Variants in ZFPM2 observed in about 807,000 individuals in gnomAD.
ZFPM2 encodes the protein zinc finger protein, FOG family member 2, also known as zinc finger protein ZFPM2.
A neutral mutation model predicts 98.6 loss-of-function variants in ZFPM2; 20 were observed. The observed-to-expected ratio is 0.20, with a 90% CI of 0.14 to 0.29. The LOEUF (loss-of-function observed/expected upper bound fraction) is 0.29. Among genes scored for constraint, ZFPM2 ranks in the 10% least tolerant of loss-of-function variants. ZFPM2 has a pLI of 1.00. For synonymous variants in ZFPM2, 518 were observed against 502.7 expected (o/e 1.03, Z -0.41); for missense variants, 1,310 against 1,388.6 (o/e 0.94, Z 0.90).
chr8:105,575,491 C>A (rs13260447), intron 4 of ZFPM2, among the ~76,000 whole-genome samples: 16,986 of 152,134 alleles, frequency 0.11, 1,240 homozygotes, highest in Non-Finnish European at 0.16. Context: ...GGGAATATGG[C>A]AGAGGCCCTT....
At chr8:105,336,381 A>G (rs1563609699) in intron 1 of ZFPM2, among the ~76,000 whole-genome samples, 1 of 151,770 alleles carries the variant, frequency 6.6e-6, no homozygotes, top group Admixed American at 6.6e-5. Flanking sequence ...GGTCAAATCC[A>G]TGAAAAGAAA....
At chr8:105,403,957 G>A (rs1486921481) in intron 1 of ZFPM2, among the ~76,000 whole-genome samples, 1 of 151,662 alleles carries the variant, frequency 6.6e-6, no homozygotes, top group East Asian at 1.9e-4. Context: ...TGGAGGGCTA[G>A]TGATGCTAAG....
At chr8:105,745,616 A>G (rs1393739041) in intron 5 of ZFPM2, among the ~76,000 whole-genome samples, 1 of 152,098 alleles carries the variant, frequency 6.6e-6, no homozygotes, top group Non-Finnish European at 1.5e-5. Context: ...GAGAAATATA[A>G]TAAGAATAAT....
chr8:105,566,069 A>G (rs1160699555), intron 4 of ZFPM2, among the ~76,000 whole-genome samples: 1 of 152,096 alleles, frequency 6.6e-6, no homozygotes, highest in Non-Finnish European at 1.5e-5. Flanking sequence ...TTTTTGGTCT[A>G]TTCGGGCTTT....
rs577939756 is a variant in ZFPM2, at chr8:105,456,912, C to A, written c.301+12531C>A. On this transcript the variant is annotated intron_variant, in intron 3 of 7. Transcript: ENST00000407775. ...CAGTGATCCACCCGCCTGGGCCTCC[C>A]AAAGTGCTGGGATTACAGACGTGAG... 5.1e-4 allele frequency among the ~76,000 whole-genome samples: 77 copies of A among 152,266 alleles called. 1 individual carries two copies. The East Asian group carries it at 0.014, about 27-fold the overall frequency.
intron 4 of ZFPM2, among the ~76,000 whole-genome samples, chr8:105,633,283 A>T (rs951401710): frequency 2.0e-5 from 3 of 152,170 alleles, no homozygotes; most frequent in African/African-American, 7.2e-5. Context: ...CAGTTCAAAA[A>T]TTACCTTGAG....
Position 105,461,069 on chromosome 8 carries a change from C to T in ZFPM2, c.301+16688C>T, listed in dbSNP as rs144759493. ...TACCATTATGTGGCAAAATTAATTT[C>T]TTATAAAATAGCTTTACGGCCTAGA... On this transcript the variant is annotated intron_variant, in intron 3 of 7. Transcript: ENST00000407775. 4.0e-3 allele frequency among the ~76,000 whole-genome samples: 606 copies of T among 151,894 alleles called. 6 individuals are homozygous for T. The highest frequency in any genetic ancestry group is 0.014 in the African/African-American group (563 of 41,488).
intron 1 of ZFPM2, among the ~76,000 whole-genome samples, chr8:105,416,529 A>G (rs983744425): frequency 1.3e-5 from 2 of 151,776 alleles, no homozygotes; most frequent in Non-Finnish European, 2.9e-5. Flanking sequence ...ACTTATTTTT[A>G]TATTTTTCAC....
Position 105,664,661 on chromosome 8 carries a change from T to A in ZFPM2, c.532+30304T>A, listed in dbSNP as rs1586183143. ...TAAAATTCTTTAAGTATTGGTATAC[T>A]GTCAAGTTTTCTGAAATTCTCATTT... On this transcript the variant is annotated intron_variant, in intron 5 of 7. Coordinates refer to ENST00000407775, the MANE Select transcript of ZFPM2 (RefSeq NM_012082.4). Among the ~76,000 whole-genome samples the A allele has an allele frequency of 2.0e-5, 3 of 152,322 alleles. No homozygotes were observed. The Middle Eastern group carries it at 0.01, about 518-fold the overall frequency.
intron 5 of ZFPM2, among the ~76,000 whole-genome samples, chr8:105,684,375 C>T (rs190496820): frequency 1.3e-5 from 2 of 151,978 alleles, no homozygotes; most frequent in East Asian, 1.9e-4. Flanking sequence ...CAAAAATTAC[C>T]TTAATTTTCA....
At chr8:105,766,430 C>G (rs984755774) in intron 5 of ZFPM2, among the ~76,000 whole-genome samples, 1 of 151,922 alleles carries the variant, frequency 6.6e-6, no homozygotes, top group African/African-American at 2.4e-5. Flanking sequence ...CAATGGAGAG[C>G]CACTCAAAGA....
chr8:105,801,654 G>A lies in ZFPM2; in HGVS notation c.1572G>A (p.Val524=). 1.2e-6 allele frequency: 2 copies of A among 1,613,538 alleles called. No homozygotes were observed. The highest frequency in any genetic ancestry group is 2.2e-5 in the South Asian group (2 of 91,070). The change falls in exon 8 of 8, where the codon GTG becomes GTA. Residue 524 remains valine, a synonymous_variant. Transcript: ENST00000407775. The part of the protein sequence containing the change: ...SEILAKMSEL[V]HRRLRHGSSS... ...TCTTAGCTAAGATGTCTGAACTGGT[G>A]CATCGGCGACTGAGGCATGGCAGTA...
intron 5 of ZFPM2, among the ~76,000 whole-genome samples, chr8:105,709,127 G>A (rs1169523206): frequency 1.3e-5 from 2 of 152,142 alleles, no homozygotes; most frequent in Non-Finnish European, 2.9e-5. Context: ...TTGATAGTGT[G>A]TATTATAAAA....
At chr8:105,685,468 G>T (rs759076139) in intron 5 of ZFPM2, among the ~76,000 whole-genome samples, 2 of 151,772 alleles carry the variant, frequency 1.3e-5, no homozygotes, top group Non-Finnish European at 1.5e-5. Context: ...GCTTACCTAC[G>T]TTGCATTTTC....
At chr8:105,382,970 A>G (rs1810916621) in intron 1 of ZFPM2, among the ~76,000 whole-genome samples, 1 of 152,148 alleles carries the variant, frequency 6.6e-6, no homozygotes, top group African/African-American at 2.4e-5. Flanking sequence ...GATTATGCTG[A>G]AACATAATCA....
chr8:105,704,113 ATC>A (rs33938120), intron 5 of ZFPM2, among the ~76,000 whole-genome samples: 150,303 of 150,846 alleles, frequency 1, 74,880 homozygotes, highest in South Asian at 1. Flanking sequence ...ACACCAAGCT[ATC>A]TCTCTCTCTC....
intron 5 of ZFPM2, among the ~76,000 whole-genome samples, chr8:105,785,986 G>A (rs2131127408): frequency 6.9e-6 from 1 of 145,052 alleles, no homozygotes; most frequent in South Asian, 2.2e-4. Context: ...AGCTTGCAGT[G>A]AGCGGAGATG....
At chr8:105,529,251 C>T (rs1322710586) in intron 3 of ZFPM2, among the ~76,000 whole-genome samples, 1 of 152,026 alleles carries the variant, frequency 6.6e-6, no homozygotes, top group East Asian at 1.9e-4. Flanking sequence ...ACAGATATTA[C>T]TTGATTTTAC....
chr8:105,355,638 T>C (rs997905188), intron 1 of ZFPM2, among the ~76,000 whole-genome samples: 8 of 152,198 alleles, frequency 5.3e-5, no homozygotes, highest in East Asian at 1.9e-4. Context: ...TGTTTTCTTA[T>C]TTAATTTCCC....
Sources: gnomAD v4.1 joint callset for allele counts (sites outside exome capture counted in the v4.1 genomes callset) on GRCh38, gnomAD v4.1.1 for gene constraint, MANE v1.5 for transcripts, NCBI Gene and HGNC (gene_info 2026-07-23, HGNC 2026-07-21) for gene names.